The following FSCN2 variants were observed in gnomAD, a reference collection of about 807,000 sequenced individuals.
The protein encoded by FSCN2 is fascin actin-bundling protein 2, retinal, also known as fascin-2.
A neutral mutation model predicts 37.8 loss-of-function variants in FSCN2; 46 were observed. That is an observed-to-expected ratio of 1.22 (90% CI 0.96 to 1.56). The LOEUF is 1.56. Among genes scored for constraint, FSCN2 ranks in the 40% most tolerant of loss-of-function variants. FSCN2 has a pLI of 0.00. For missense variants in FSCN2, 844 were observed against 730.4 expected, an observed-to-expected ratio of 1.16 and a Z score of -1.79; for synonymous variants, 351 against 309.4, an observed-to-expected ratio of 1.13 and a Z score of -1.41.
the FSCN2 span, among the ~76,000 whole-genome samples, chr17:81,515,730 C>T: frequency 6.6e-6 from 1 of 152,254 alleles, no homozygotes; most frequent in Admixed American, 6.5e-5. Flanking sequence ...CAGTCCCCAC[C>T]GCCAACCACC....
Position 81,535,124 on chromosome 17 carries a change from CAAA to C in FSCN2, c.900_902del (p.Lys302del). 6.5e-7 allele frequency: 1 copy of C among 1,533,642 alleles called. No homozygotes were observed. The highest frequency in any genetic ancestry group is 8.7e-7 in the Non-Finnish European group (1 of 1,144,956). On this transcript the variant is annotated inframe_deletion, in exon 2 of 5. Coordinates refer to ENST00000417245, the MANE Select transcript of FSCN2 (RefSeq NM_012418.4). ...TTCCTGATGCAAATTGACCAGGAGA[CAAA>C]GAAGTGCACCTTCTATTCCAGCACT...
chr17:81,531,231 G>GTGATGGTGA (rs1555671208), intron 1 of FSCN2, among the ~76,000 whole-genome samples: 17 of 136,462 alleles, frequency 1.2e-4, no homozygotes, highest in African/African-American at 4.2e-4. Flanking sequence ...GGTGATAATG[G>GTGATGGTGA]TGATGGTGGT....
chr17:81,536,055 C>T (rs931713592), intron 2 of FSCN2, 91 bp from the exon 3 acceptor site: 3 of 1,491,156 alleles, frequency 2.0e-6, no homozygotes, highest in Admixed American at 4.0e-5. Context: ...GGCTTCTGTC[C>T]CACTCCTTGG....
At chr17:81,527,657 T>TG (rs1411874563), upstream of FSCN2, 3 of 152,360 alleles carry the variant, frequency 2.0e-5, no homozygotes, top group African/African-American at 7.2e-5. Context: ...GAAGTGAGGC[T>TG]GGCTTCACTC....
intron 1 of FSCN2, among the ~76,000 whole-genome samples, chr17:81,531,297 A>ATGATGGTGGTGGTGG (rs2032558100): frequency 9.0e-5 from 4 of 44,380 alleles, no homozygotes; most frequent in African/African-American, 4.3e-4. Context: ...GATGGTGGTG[A>ATGATGGTGGTGGTGG]TGGTGATGGT....
At chr17:81,533,367 T>C (rs1321157663) in intron 1 of FSCN2, among the ~76,000 whole-genome samples, 1 of 151,918 alleles carries the variant, frequency 6.6e-6, no homozygotes, top group Non-Finnish European at 1.5e-5. Flanking sequence ...GAAACGGGAG[T>C]CCAGAGAGCC....
rs988890666 is a variant in FSCN2, at chr17:81,535,058, A to G, written c.833A>G (p.Asn278Ser). 38 of 1,530,100 alleles carry G rather than the reference A, an allele frequency of 2.5e-5. No homozygotes were observed. The highest frequency in any genetic ancestry group is 3.1e-5 in the Non-Finnish European group (36 of 1,143,468). 94.8% of individuals were successfully genotyped at this position (1,530,100 alleles called of 1,614,324 possible). The change falls in exon 2 of 5, where the codon AAC becomes AGC. Residue 278 changes from asparagine to serine, a missense_variant. By Grantham distance (46) the Asn-to-Ser change is conservative. Coordinates refer to ENST00000417245, the MANE Select transcript of FSCN2 (RefSeq NM_012418.4). ...CCCCATCTCCTCCCTCCAGGGGTCA[A>G]CGTCTCAGCCAATCAGGATGATGAA... ...HRYVSVRQGV[N>S]VSANQDDELD...
intron 1 of FSCN2, among the ~76,000 whole-genome samples, chr17:81,531,381 G>A (rs200092227): frequency 5.4e-4 from 39 of 72,586 alleles, no homozygotes; most frequent in Middle Eastern, 7.0e-3. Flanking sequence ...GGTGGTGATG[G>A]TGGTGATGGT....
At chr17:81,522,212 G>C in the FSCN2 span, among the ~76,000 whole-genome samples, 1 of 152,082 alleles carries the variant, frequency 6.6e-6, no homozygotes, top group Admixed American at 6.5e-5. Context: ...TCACCATGTT[G>C]GGCAGGCTGG....
intron 3 of FSCN2, 118 bp from the exon 4 acceptor site, chr17:81,536,504 G>A (rs1296265083): frequency 6.5e-7 from 1 of 1,541,600 alleles, no homozygotes; most frequent in Non-Finnish European, 8.7e-7. Context: ...CGCACATGAG[G>A]CAATGGCAGG....
chr17:81,536,186 C>T lies in FSCN2; in HGVS notation c.1024C>T (p.Arg342Trp), dbSNP rs767392214. The change falls in exon 3 of 5, where the codon CGG becomes TGG. Residue 342 changes from arginine (R) to tryptophan (W), a missense_variant. Arg to Trp is a moderately radical substitution (Grantham distance 101, BLOSUM62 -3). Coordinates refer to ENST00000417245, the MANE Select transcript of FSCN2 (RefSeq NM_012418.4). The part of the protein sequence containing the change: ...TMFEMEWRGR[R>W]VALKASNGRY... ...GTTTGAGATGGAGTGGCGTGGCCGG[C>T]GGGTAGCACTCAAAGCCAGCAACGG... 2.4e-5 allele frequency: 38 copies of T among 1,601,388 alleles called. No homozygotes were observed. Among genetic ancestry groups the T allele is most frequent in the Admixed American group, 5.1e-5 (3 of 58,504 alleles).
At position 81,531,693 on chromosome 17, in the gene FSCN2, G is replaced by A. The variant is rs1430914663; in HGVS notation, c.826+2336G>A. ...GATGGTGATGATGATGGTGATGATGGTGATGGTGATGATGATAGTGATGGT... is the reference window on the plus strand; with the variant it reads ...GATGGTGATGATGATGGTGATGATGATGATGGTGATGATGATAGTGATGGT... On this transcript the variant is annotated intron_variant, in intron 1 of 4. Coordinates refer to ENST00000417245, the MANE Select transcript of FSCN2 (RefSeq NM_012418.4). 7.1e-3 allele frequency among the ~76,000 whole-genome samples: 742 copies of A among 104,780 alleles called. 42 individuals carry two copies. The highest frequency in any genetic ancestry group is 0.032 in the African/African-American group (669 of 21,036). 68.7% of individuals were successfully genotyped at this position (104,780 alleles called of 152,430 possible).
the FSCN2 span, among the ~76,000 whole-genome samples, chr17:81,517,734 T>C: frequency 6.6e-6 from 1 of 151,084 alleles, no homozygotes; most frequent in Non-Finnish European, 1.5e-5. Flanking sequence ...CTGGCCATTG[T>C]GGACCCCACC....
chr17:81,526,609 C>T (rs954592414), upstream of FSCN2, among the ~76,000 whole-genome samples: 13 of 152,170 alleles, frequency 8.5e-5, no homozygotes, highest in East Asian at 1.5e-3. Flanking sequence ...GGGTGAGGAG[C>T]GAGACCCTAT....
intron 1 of FSCN2, among the ~76,000 whole-genome samples, chr17:81,533,362 G>C (rs138870473): frequency 6.6e-6 from 1 of 152,192 alleles, no homozygotes; most frequent in Non-Finnish European, 1.5e-5. Context: ...CTCCTGAAAC[G>C]GGAGTCCAGA....
intron 1 of FSCN2, among the ~76,000 whole-genome samples, chr17:81,530,874 A>G (rs2032526991): frequency 6.6e-6 from 1 of 151,642 alleles, no homozygotes; most frequent in Admixed American, 6.6e-5. Flanking sequence ...ATCACAGCCC[A>G]CAGTCCAGCT....
chr17:81,531,465 ATGG>A lies in FSCN2; in HGVS notation c.826+2120_826+2122del, dbSNP rs1406798739. ...GGTGATGGTGGTGGTGATGGTGATG[ATGG>A]TGGTGGTGGTGATGGTGATGATGGT... is the stretch of plus-strand genomic sequence containing the variant. On this transcript the variant is annotated intron_variant, in intron 1 of 4. Coordinates refer to ENST00000417245, the MANE Select transcript of FSCN2 (RefSeq NM_012418.4). Among the ~76,000 whole-genome samples, 118 of 71,746 alleles carry A rather than the reference ATGG, an allele frequency of 1.6e-3. 1 individual carries two copies. Among genetic ancestry groups the A allele is most frequent in the African/African-American group, 5.2e-3 (87 of 16,890 alleles). 47.1% of individuals were successfully genotyped at this position (71,746 alleles called of 152,430 possible). A position where few individuals can be genotyped will look rare whatever the true frequency, so the allele number is the denominator to read the frequency against.
upstream of FSCN2, among the ~76,000 whole-genome samples, chr17:81,525,425 C>CAAAAAAAAAAAAAAAAAAAAAAAA (rs1202765459): frequency 4.6e-4 from 22 of 47,860 alleles, no homozygotes; most frequent in Non-Finnish European, 7.1e-4. Flanking sequence ...GACTCTGTCT[C>CAAAAAAAAAAAAAAAAAAAAAAAA]AAAAAAAAAA....
intron 3 of FSCN2, 138 bp downstream of exon 3, chr17:81,536,405 C>A (rs2032878661): frequency 1.4e-6 from 2 of 1,436,046 alleles, no homozygotes; most frequent in African/African-American, 1.4e-5. Context: ...GTCATACTTG[C>A]TAGTCAAGAT....
Sources: gnomAD v4.1 joint callset for allele counts (sites outside exome capture counted in the v4.1 genomes callset) on GRCh38, gnomAD v4.1.1 for gene constraint, MANE v1.5 for transcripts, NCBI Gene and HGNC (gene_info 2026-07-23, HGNC 2026-07-21) for gene names.